The following ABTB3 variants were observed in gnomAD, a reference collection of about 807,000 sequenced individuals.
The protein encoded by ABTB3 is ankyrin repeat- and BTB/POZ domain-containing protein 3.
the ABTB3 span, among the ~76,000 whole-genome samples, chr12:107,633,378 CCCAG>C: frequency 6.6e-6 from 1 of 152,206 alleles, no homozygotes; most frequent in East Asian, 1.9e-4. Context: ...TTATAAGCCA[CCCAG>C]TTTAGAGTAT....
At chr12:107,647,014 G>A in the ABTB3 span, among the ~76,000 whole-genome samples, 6 of 152,268 alleles carry the variant, frequency 3.9e-5, no homozygotes, top group Admixed American at 1.3e-4. Context: ...GCAGGCAAGC[G>A]GTTGAGTGGT....
the ABTB3 span, among the ~76,000 whole-genome samples, chr12:107,346,631 CT>C: frequency 6.6e-6 from 1 of 151,998 alleles, no homozygotes. Flanking sequence ...GGCTAATTTT[CT>C]GTATTTTTAG....
the ABTB3 span, among the ~76,000 whole-genome samples, chr12:107,504,130 T>TG: frequency 1.4e-4 from 21 of 152,296 alleles, no homozygotes; most frequent in East Asian, 3.9e-3. Context: ...AGTCCTCCTG[T>TG]GGTTTATTTT....
the ABTB3 span, among the ~76,000 whole-genome samples, chr12:107,525,050 G>T: frequency 6.6e-6 from 1 of 152,076 alleles, no homozygotes; most frequent in Admixed American, 6.6e-5. Context: ...TACTGGCCAG[G>T]TGCAGTGACT....
At chr12:107,319,154 G>A in the ABTB3 span, 4 of 1,602,236 alleles carry the variant, frequency 2.5e-6, no homozygotes, top group Non-Finnish European at 3.4e-6. Flanking sequence ...TGTCAACACT[G>A]CCCTGGTGGA....
the ABTB3 span, among the ~76,000 whole-genome samples, chr12:107,508,903 C>A: frequency 6.6e-6 from 1 of 152,196 alleles, no homozygotes; most frequent in African/African-American, 2.4e-5. Flanking sequence ...AGGCCACAGT[C>A]CATGCTCCTG....
chr12:107,452,658 G>A, the ABTB3 span, among the ~76,000 whole-genome samples: 1 of 152,098 alleles, frequency 6.6e-6, no homozygotes, highest in East Asian at 1.9e-4. Flanking sequence ...TGGCCAACAT[G>A]ATGAAACCCT....
the ABTB3 span, among the ~76,000 whole-genome samples, chr12:107,456,391 C>T: frequency 3.9e-5 from 6 of 152,194 alleles, no homozygotes; most frequent in African/African-American, 1.2e-4. Flanking sequence ...ACCGCCTAAG[C>T]GGCAGCATTA....
At chr12:107,435,577 G>A in the ABTB3 span, among the ~76,000 whole-genome samples, 1 of 152,368 alleles carries the variant, frequency 6.6e-6, no homozygotes, top group Middle Eastern at 3.4e-3. Context: ...CTGGCACACA[G>A]TAGGTGCTAG....
At chr12:107,639,388 C>T in the ABTB3 span, among the ~76,000 whole-genome samples, 2 of 152,034 alleles carry the variant, frequency 1.3e-5, no homozygotes, top group South Asian at 2.1e-4. Flanking sequence ...AAGGATGGCT[C>T]CTGCAGTGAG....
At chr12:107,353,259 G>T in the ABTB3 span, among the ~76,000 whole-genome samples, 3 of 152,166 alleles carry the variant, frequency 2.0e-5, no homozygotes, top group African/African-American at 4.8e-5. Context: ...CAGCATGGTG[G>T]GGGGGAGATA....
the ABTB3 span, among the ~76,000 whole-genome samples, chr12:107,509,915 A>C: frequency 5.9e-5 from 9 of 152,122 alleles, no homozygotes; most frequent in African/African-American, 2.2e-4. Flanking sequence ...AGTTTCAGAG[A>C]CCTTCACTTA....
chr12:107,344,525 C>G, the ABTB3 span, among the ~76,000 whole-genome samples: 3 of 152,212 alleles, frequency 2.0e-5, no homozygotes, highest in African/African-American at 7.2e-5. Context: ...CCCAGGACAT[C>G]AGAGGTCAGG....
the ABTB3 span, among the ~76,000 whole-genome samples, chr12:107,645,780 C>G: frequency 6.6e-6 from 1 of 152,172 alleles, no homozygotes; most frequent in Non-Finnish European, 1.5e-5. Flanking sequence ...ACGGCAGTCC[C>G]CGGAGGAATC....
the ABTB3 span, among the ~76,000 whole-genome samples, chr12:107,462,405 A>G: frequency 6.6e-6 from 1 of 152,210 alleles, no homozygotes; most frequent in Non-Finnish European, 1.5e-5. Context: ...CAGTAAGTAG[A>G]TTTGTGGAAC....
At chr12:107,524,929 G>A in the ABTB3 span, among the ~76,000 whole-genome samples, 1 of 152,196 alleles carries the variant, frequency 6.6e-6, no homozygotes, top group Non-Finnish European at 1.5e-5. Flanking sequence ...AACTGCAGGT[G>A]TGAACATTCA....
the ABTB3 span, among the ~76,000 whole-genome samples, chr12:107,352,321 T>C: frequency 3.3e-5 from 5 of 152,162 alleles, no homozygotes; most frequent in Non-Finnish European, 4.4e-5. Context: ...AGGGCACGCA[T>C]GGAGCACTTG....
chr12:107,497,934 C>CT, the ABTB3 span, among the ~76,000 whole-genome samples: 505 of 152,208 alleles, frequency 3.3e-3, 2 homozygotes, highest in African/African-American at 0.011. Flanking sequence ...AGCCCCTCTC[C>CT]TTTTTTCCCA....
At chr12:107,396,694 CA>C in the ABTB3 span, among the ~76,000 whole-genome samples, 1 of 150,662 alleles carries the variant, frequency 6.6e-6, no homozygotes, top group Admixed American at 6.7e-5. Flanking sequence ...CCAGAATTAA[CA>C]GAGGTTGATA....
Sources: allele counts gnomAD v4.1 joint callset (sites outside exome capture counted in the v4.1 genomes callset), GRCh38; gene constraint gnomAD v4.1.1; transcripts MANE v1.5; gene names NCBI Gene and HGNC (gene_info 2026-07-23, HGNC 2026-07-21).